IGSF10: variants seen among roughly 807,000 people sequenced by gnomAD.
IGSF10 encodes the protein immunoglobulin superfamily member 10.
In IGSF10, 126 loss-of-function variants were observed where a neutral mutation model predicts 128.2. The ratio of observed to expected loss-of-function variants is 0.98; its 90% CI spans 0.85 to 1.14. IGSF10 has a LOEUF of 1.14. IGSF10 is among the 50% of genes most tolerant of loss of function. IGSF10 has a pLI of 0.00. For synonymous variants in IGSF10, 1,185 were observed against 1,146.2 expected (o/e 1.03, Z -0.68); for missense variants, 3,295 against 3,149.8 (o/e 1.05, Z -1.10).
chr3:151,564,861 T>C, the IGSF10 span, among the ~76,000 whole-genome samples: 6 of 152,124 alleles, frequency 3.9e-5, no homozygotes, highest in African/African-American at 1.4e-4. Context: ...ATAAATAGCC[T>C]ATAACTAAAA....
the IGSF10 span, among the ~76,000 whole-genome samples, chr3:151,614,264 G>A: frequency 1.3e-5 from 2 of 152,138 alleles, no homozygotes; most frequent in Non-Finnish European, 2.9e-5. Context: ...TCAGTGTGGC[G>A]ATTCCTCAGG....
the IGSF10 span, among the ~76,000 whole-genome samples, chr3:151,514,898 C>T: frequency 6.6e-6 from 1 of 152,146 alleles, no homozygotes; most frequent in East Asian, 1.9e-4. Flanking sequence ...CAGAGAAATG[C>T]AAATCAAAAC....
rs1331152872 is a variant in IGSF10 at position 151,438,377 on chromosome 3, C to A, written c.6184G>T (p.Ala2062Ser). 1.2e-6 allele frequency: 2 copies of A among 1,614,140 alleles called. No homozygotes were observed. The highest frequency in any genetic ancestry group is 2.2e-5 in the South Asian group (2 of 91,078). Residue 2062 changes from alanine (A) to serine (S), a missense_variant, in exon 8 of 8, where the codon GCT (alanine) becomes TCT (serine). Physicochemically the swap from Ala to Ser is moderately conservative, Grantham distance 99. Coordinates refer to ENST00000282466, the MANE Select transcript of IGSF10 (RefSeq NM_178822.5). ...HGKDFQVDCK[A>S]SGSPVPEISW... Reference sequence around the variant, plus strand: ...ATCTCTGGCACTGGGGAGCCGGAAGCTTTGCAATCTACTTGGAAATCTTTC... The same window carrying A: ...ATCTCTGGCACTGGGGAGCCGGAAGATTTGCAATCTACTTGGAAATCTTTC...
At chr3:151,488,363 G>A in the IGSF10 span, among the ~76,000 whole-genome samples, 1 of 152,080 alleles carries the variant, frequency 6.6e-6, no homozygotes, top group Non-Finnish European at 1.5e-5. Flanking sequence ...TCATGGACAG[G>A]AAGAATCAAT....
the IGSF10 span, among the ~76,000 whole-genome samples, chr3:151,580,314 C>T: frequency 6.6e-6 from 1 of 152,022 alleles, no homozygotes; most frequent in South Asian, 2.1e-4. Flanking sequence ...AGCCAACTTT[C>T]ACTATAAGAG....
the IGSF10 span, among the ~76,000 whole-genome samples, chr3:151,546,896 G>A: frequency 2.6e-5 from 4 of 151,972 alleles, no homozygotes; most frequent in Non-Finnish European, 5.9e-5. Context: ...TCAGCCTCCT[G>A]AGTAGCTGGT....
Position 151,445,276 on chromosome 3 carries a change from G to A in IGSF10, c.4705C>T (p.Pro1569Ser), listed in dbSNP as rs1721115020. ...KSQNSKLTPS[P>S]WAENQFWHKP... ...TGCCAAAATTGGTTTTCTGCCCAGG[G>A]AGATGGAGTTAATTTAGAATTCTGT... The change falls in exon 6 of 8, where the codon CCC becomes TCC. Residue 1569 changes from proline (P) to serine (S), a missense_variant. By Grantham distance (74) the Pro-to-Ser change is moderately conservative. Transcript: ENST00000282466. 6.2e-7 allele frequency: 1 copy of A among 1,614,090 alleles called. No individual in the cohort carries two copies. The highest frequency in any genetic ancestry group is 8.5e-7 in the Non-Finnish European group (1 of 1,180,050).
rs751587952 is a variant in IGSF10 at position 151,443,259 on chromosome 3, T to C, written c.5688A>G (p.Leu1896=). 2 of 1,611,400 alleles carry C rather than the reference T, an allele frequency of 1.2e-6. No individual in the cohort carries two copies. Among genetic ancestry groups the C allele is most frequent in the African/African-American group, 1.3e-5 (1 of 74,690 alleles). ...PLQFTNSKLF[L]FSNGTLYIRN... ...TTATATACAAAGTCCCATTTGAAAA[T>C]AAGAACAACTTGGAATTGGTAAACT... Residue 1896 remains leucine (L), a synonymous_variant, in exon 7 of 8, where the codon TTA becomes TTG. Coordinates refer to ENST00000282466, the MANE Select transcript of IGSF10 (RefSeq NM_178822.5).
the IGSF10 span, among the ~76,000 whole-genome samples, chr3:151,483,761 A>G: frequency 2.0e-5 from 3 of 152,044 alleles, no homozygotes; most frequent in Non-Finnish European, 4.4e-5. Flanking sequence ...TGTACCATGC[A>G]CTCTGGCCCA....
chr3:151,438,474 C>T lies in IGSF10; in HGVS notation c.6087G>A (p.Met2029Ile), dbSNP rs1306421082. 6.2e-7 allele frequency: 1 copy of T among 1,614,036 alleles called. No homozygotes were observed. The highest frequency in any genetic ancestry group is 1.3e-5 in the African/African-American group (1 of 74,914). Reference protein sequence around the residue: ...RNKMGDDLILMHVSLRLKPAK... With the variant: ...RNKMGDDLILIHVSLRLKPAK... ...CAGGTTTCAGTCTTAGGCTAACATG[C>T]ATCAGTATCAGATCATCCCCCATTT... The change falls in exon 8 of 8, where the codon ATG becomes ATA. Residue 2029 changes from methionine to isoleucine, a missense_variant. Transcript: ENST00000282466.
At chr3:151,484,965 A>G in the IGSF10 span, among the ~76,000 whole-genome samples, 2 of 152,154 alleles carry the variant, frequency 1.3e-5, no homozygotes. Flanking sequence ...TGATGAATTG[A>G]CAGAAGTAGG....
the IGSF10 span, among the ~76,000 whole-genome samples, chr3:151,521,111 C>T: frequency 6.6e-6 from 1 of 151,778 alleles, no homozygotes; most frequent in African/African-American, 2.4e-5. Flanking sequence ...TTCAAACCAA[C>T]AGAGATCAAA....
At chr3:151,607,664 C>T in the IGSF10 span, among the ~76,000 whole-genome samples, 1 of 152,130 alleles carries the variant, frequency 6.6e-6, no homozygotes, top group African/African-American at 2.4e-5. Flanking sequence ...GTAATCCCAG[C>T]ACTTTGGGAG....
chr3:151,439,784 C>A (rs1445464916), intron 7 of IGSF10, among the ~76,000 whole-genome samples: 1 of 152,142 alleles, frequency 6.6e-6, no homozygotes, highest in Admixed American at 6.5e-5. Context: ...CCTATCATTA[C>A]CAAATTTAAC....
intron 7 of IGSF10, among the ~76,000 whole-genome samples, chr3:151,439,347 TCA>T (rs1262879533): frequency 6.6e-6 from 1 of 152,242 alleles, no homozygotes; most frequent in Admixed American, 6.5e-5. Context: ...GCACAGTGGC[TCA>T]CACCTGTAAT....
intron 5 of IGSF10, among the ~76,000 whole-genome samples, chr3:151,452,979 AGTT>A (rs1274878511): frequency 1.3e-5 from 2 of 151,944 alleles, no homozygotes; most frequent in Non-Finnish European, 2.9e-5. Context: ...AGTTGTCCAG[AGTT>A]GTTAAGAGCA....
chr3:151,461,399 G>A (rs1424525835), upstream of IGSF10: 11 of 985,086 alleles, frequency 1.1e-5, no homozygotes, highest in African/African-American at 1.7e-5. Flanking sequence ...TCTATTTGAA[G>A]GCTAAGTTAG....
the IGSF10 span, among the ~76,000 whole-genome samples, chr3:151,595,388 G>A: frequency 1.3e-5 from 2 of 151,918 alleles, no homozygotes; most frequent in African/African-American, 4.8e-5. Flanking sequence ...ATTGATGGCT[G>A]ACTGGATAAA....
chr3:151,491,568 A>G, the IGSF10 span, among the ~76,000 whole-genome samples: 129,916 of 151,708 alleles, frequency 0.86, 55,843 homozygotes, highest in Middle Eastern at 0.95. Flanking sequence ...ACGGAGTGAG[A>G]AATAGTTACA....
Sources: allele counts gnomAD v4.1 joint callset (sites outside exome capture counted in the v4.1 genomes callset), GRCh38; gene constraint gnomAD v4.1.1; transcripts MANE v1.5; gene names NCBI Gene and HGNC (gene_info 2026-07-23, HGNC 2026-07-21).